CCND3: variants seen among roughly 807,000 people sequenced by gnomAD.
The protein encoded by CCND3 is cyclin D3, also known as G1/S-specific cyclin-D3.
CCND3 carries 9 observed loss-of-function variants against 28.7 expected under a neutral mutation model. The ratio of observed to expected loss-of-function variants is 0.31; its 90% CI spans 0.19 to 0.55. The LOEUF (loss-of-function observed/expected upper bound fraction) is 0.55, where lower values mean the gene tolerates loss of function less well. CCND3 is among the 20% of genes least tolerant of loss of function. The pLI is 0.93. For missense variants in CCND3, 315 were observed against 385.8 expected, an observed-to-expected ratio of 0.82 and a Z score of 1.54; for synonymous variants, 164 against 163.9, an observed-to-expected ratio of 1.00 and a Z score of 0.00.
In CCND3 at chr6:42,037,515, G is replaced by A. The variant is rs777283477; in HGVS notation, c.-46+10986C>T. Among the ~76,000 whole-genome samples, 122 of 151,992 alleles carry A rather than the reference G, an allele frequency of 8.0e-4. 1 individual carries two copies. The highest frequency in any genetic ancestry group is 1.1e-3 in the Non-Finnish European group (73 of 67,984). ...CTCCCAAAGTGCTGGGATTACAGGC[G>A]TGAGCCACCGCGCCTGGCCAAAAAA... On this transcript the variant is annotated intron_variant, in intron 1 of 4. Transcript: ENST00000372988.
At chr6:41,982,194 C>G (rs1361700995) in intron 1 of CCND3, among the ~76,000 whole-genome samples, 1 of 151,248 alleles carries the variant, frequency 6.6e-6, no homozygotes, top group African/African-American at 2.4e-5. Context: ...CGCTTGAGCC[C>G]GGGAGGCTGA....
chr6:41,993,951 A>G (rs61357500), intron 1 of CCND3, among the ~76,000 whole-genome samples: 680 of 41,764 alleles, frequency 0.016, 53 homozygotes, highest in African/African-American at 0.051. Context: ...AAAAAAAAAA[A>G]AAAAAAAAAA....
chr6:42,006,741 T>TA (rs1379806386), intron 1 of CCND3, among the ~76,000 whole-genome samples: 3 of 151,920 alleles, frequency 2.0e-5, no homozygotes, highest in African/African-American at 4.8e-5. Context: ...ACCCCATCTC[T>TA]ACTAAAAATA....
intron 1 of CCND3, among the ~76,000 whole-genome samples, chr6:41,978,305 C>T (rs897258391): frequency 2.7e-5 from 4 of 148,846 alleles, no homozygotes; most frequent in Admixed American, 6.8e-5. Flanking sequence ...ACCTGGGAGG[C>T]GGAGCTTGCA....
intron 1 of CCND3, among the ~76,000 whole-genome samples, chr6:41,965,470 G>T (rs1246758900): frequency 6.6e-6 from 1 of 152,144 alleles, no homozygotes; most frequent in Non-Finnish European, 1.5e-5. Context: ...GGATTGCCTT[G>T]ATGCCTTGAG....
intron 3 of CCND3, chr6:41,937,019 C>G (rs977298876): frequency 2.8e-5 from 17 of 617,040 alleles, no homozygotes; most frequent in Non-Finnish European, 4.5e-5. Context: ...AGTCACTTCT[C>G]TCTATACCCT....
chr6:42,011,337 C>T (rs947563915), intron 1 of CCND3, among the ~76,000 whole-genome samples: 1 of 152,096 alleles, frequency 6.6e-6, no homozygotes, highest in Non-Finnish European at 1.5e-5. Flanking sequence ...GTTGCCCAGG[C>T]TGGTCTCAAA....
In CCND3 at chr6:41,951,577, A is replaced by ACACAC. The variant is rs1247884939; in HGVS notation, c.-45-10993_-45-10992insGTGTG. 7.4e-3 allele frequency among the ~76,000 whole-genome samples: 1,078 copies of ACACAC among 145,866 alleles called. 18 individuals carry two copies. Among genetic ancestry groups the ACACAC allele is most frequent in the Non-Finnish European group, 0.012 (791 of 66,372 alleles). On this transcript the variant is annotated intron_variant, in intron 1 of 4. Coordinates refer to the CCND3 transcript ENST00000372988. ...ACACACACACACACACACACACACA[A>ACACAC]AAAAAAAGATTAAGTGGGAGTAAGA...
intron 1 of CCND3, among the ~76,000 whole-genome samples, chr6:41,948,817 G>A (rs564869434): frequency 1.1e-3 from 166 of 149,644 alleles, no homozygotes; most frequent in African/African-American, 3.9e-3. Context: ...CTGCACTCCA[G>A]CCTGGACTAC....
chr6:41,951,215 A>G (rs1776303578), intron 1 of CCND3, among the ~76,000 whole-genome samples: 1 of 151,894 alleles, frequency 6.6e-6, no homozygotes, highest in Non-Finnish European at 1.5e-5. Flanking sequence ...CCTGAATTCC[A>G]TGAAACAGCC....
At chr6:42,001,397 C>T (rs767832426) in intron 1 of CCND3, among the ~76,000 whole-genome samples, 1 of 152,144 alleles carries the variant, frequency 6.6e-6, no homozygotes, top group African/African-American at 2.4e-5. Context: ...AGTGCATATA[C>T]ATCCATACAA....
At chr6:42,001,585 T>C (rs1763013809) in intron 1 of CCND3, among the ~76,000 whole-genome samples, 1 of 152,040 alleles carries the variant, frequency 6.6e-6, no homozygotes, top group African/African-American at 2.4e-5. Flanking sequence ...TGAACCAAAA[T>C]GGGCCCCATG....
At chr6:41,991,525 A>G (rs1762649679) in intron 1 of CCND3, among the ~76,000 whole-genome samples, 1 of 152,244 alleles carries the variant, frequency 6.6e-6, no homozygotes, top group Admixed American at 6.5e-5. Flanking sequence ...ATGTTTCAAT[A>G]CATATAGTGT....
At chr6:41,963,550 T>A (rs1761776497) in intron 1 of CCND3, among the ~76,000 whole-genome samples, 1 of 152,104 alleles carries the variant, frequency 6.6e-6, no homozygotes, top group Non-Finnish European at 1.5e-5. Context: ...AGGCAACAAG[T>A]GAAGCTGGAT....
At chr6:41,964,333 T>G (rs1761799161) in intron 1 of CCND3, among the ~76,000 whole-genome samples, 2 of 149,534 alleles carry the variant, frequency 1.3e-5, no homozygotes, top group Non-Finnish European at 3.0e-5. Context: ...TGTGTGAATG[T>G]GTGTGTGAAT....
chr6:42,026,123 T>C (rs7753265), intron 1 of CCND3, among the ~76,000 whole-genome samples: 83,221 of 151,970 alleles, frequency 0.55, 23,744 homozygotes, highest in South Asian at 0.68. Flanking sequence ...AGGTCTCGTT[T>C]GAAAATAAAC....
At chr6:42,001,045 G>A (rs906814414) in intron 1 of CCND3, among the ~76,000 whole-genome samples, 3 of 151,438 alleles carry the variant, frequency 2.0e-5, no homozygotes, top group African/African-American at 7.3e-5. Context: ...AGACCAGCCT[G>A]GCCAACATGG....
At chr6:42,037,562 C>T (rs1466420276) in intron 1 of CCND3, among the ~76,000 whole-genome samples, 7 of 151,898 alleles carry the variant, frequency 4.6e-5, no homozygotes, top group African/African-American at 1.5e-4. Flanking sequence ...CTTATGTTAA[C>T]ATGCAATGAG....
chr6:41,975,813 C>A (rs1762163328), intron 1 of CCND3, among the ~76,000 whole-genome samples: 1 of 150,808 alleles, frequency 6.6e-6, no homozygotes, highest in South Asian at 2.1e-4. Flanking sequence ...GGGCTAGTGA[C>A]AACCAAGCCT....
Sources: gnomAD v4.1 joint callset for allele counts (sites outside exome capture counted in the v4.1 genomes callset) on GRCh38, gnomAD v4.1.1 for gene constraint, MANE v1.5 for transcripts, NCBI Gene and HGNC (gene_info 2026-07-23, HGNC 2026-07-21) for gene names.